RPS6KA2: variants seen among roughly 807,000 people sequenced by gnomAD.
RPS6KA2 encodes the protein ribosomal protein S6 kinase alpha-2.
In RPS6KA2, 42 loss-of-function variants were observed where a neutral mutation model predicts 91.8. The observed-to-expected ratio is 0.46, with a 90% CI of 0.36 to 0.59. The LOEUF is 0.59. RPS6KA2 is among the 20% of genes least tolerant of loss of function. The probability of loss-of-function intolerance (pLI) is 0.00; values close to 1 mark genes in which losing one functional copy is unlikely to be tolerated. For synonymous variants in RPS6KA2, 414 were observed against 393.6 expected (o/e 1.05, Z -0.61); for missense variants, 798 against 978.5 (o/e 0.82, Z 2.46).
intron 14 of RPS6KA2, among the ~76,000 whole-genome samples, chr6:166,446,784 A>T (rs1285975809): frequency 6.6e-6 from 1 of 152,184 alleles, no homozygotes; most frequent in African/African-American, 2.4e-5. Flanking sequence ...ACCAAACCGT[A>T]GGCTTGTTTC....
intron 5 of RPS6KA2, 137 bp from the exon 6 acceptor site, chr6:166,504,749 A>C: frequency 1.7e-6 from 1 of 595,936 alleles, no homozygotes; most frequent in Non-Finnish European, 2.9e-6. Context: ...ATGGCCCCCC[A>C]GAGTGGTCTT....
intron 2 of RPS6KA2, among the ~76,000 whole-genome samples, chr6:166,699,345 G>A (rs1367895963): frequency 6.6e-6 from 1 of 152,120 alleles, no homozygotes; most frequent in African/African-American, 2.4e-5. Context: ...AGAATCTTGA[G>A]AGAAGAGTCA....
rs148374663 is a variant in RPS6KA2, at chr6:166,508,924, G to C, written c.380-642C>G. 6.6e-6 allele frequency among the ~76,000 whole-genome samples: 1 copy of C among 152,188 alleles called. No homozygotes were observed. Among genetic ancestry groups the C allele is most frequent in the Non-Finnish European group, 1.5e-5 (1 of 68,026 alleles). On this transcript the variant is annotated intron_variant, in intron 4 of 20. Transcript: ENST00000265678. The surrounding 1 kb of genome is among the most constrained non-coding windows in gnomAD (Gnocchi z 4.3). ...CAGCAAGGGCCTGCCTCTGTTGAGCGGGCGCATGAGCACGGGAGGGTCTAG... is the reference window on the plus strand; with the variant it reads ...CAGCAAGGGCCTGCCTCTGTTGAGCCGGCGCATGAGCACGGGAGGGTCTAG...
At chr6:166,576,360 G>A (rs187285997) in intron 1 of RPS6KA2, among the ~76,000 whole-genome samples, 1 of 152,318 alleles carries the variant, frequency 6.6e-6, no homozygotes, top group East Asian at 1.9e-4. Flanking sequence ...ACAGTCTGAA[G>A]GGCTCAGAAG....
intron 3 of RPS6KA2, among the ~76,000 whole-genome samples, chr6:166,514,473 G>A (rs1782574421): frequency 1.3e-5 from 2 of 152,204 alleles, no homozygotes; most frequent in South Asian, 2.1e-4. Context: ...AGGTGCTTGG[G>A]CAGGAGGATA....
Position 166,666,950 on chromosome 6 carries a change from T to C in RPS6KA2, c.124-128166A>G, listed in dbSNP as rs146957007. Among the ~76,000 whole-genome samples the C allele has an allele frequency of 1.4e-4, 21 of 152,338 alleles. No homozygotes were observed. The highest frequency in any genetic ancestry group is 2.5e-4 in the Non-Finnish European group (17 of 68,034). ...GGAAATGACGACGCACGTTGCAATG[T>C]GGATGAACCTGGAGGACATTATGTG... On this transcript the variant is annotated intron_variant, in intron 2 of 21. Transcript: ENST00000503859. The surrounding 1 kb of genome is among the most constrained non-coding windows in gnomAD (Gnocchi z 4.0).
intron 3 of RPS6KA2, among the ~76,000 whole-genome samples, chr6:166,512,810 C>CG (rs375784148): frequency 5.1e-4 from 77 of 152,334 alleles, no homozygotes; most frequent in Non-Finnish European, 9.3e-4. Context: ...CAACACGGGG[C>CG]CCGCCCACAC....
chr6:166,634,293 G>T lies in RPS6KA2; in HGVS notation c.124-95509C>A, dbSNP rs1028882792. 8.5e-5 allele frequency among the ~76,000 whole-genome samples: 13 copies of T among 152,298 alleles called. No homozygotes were observed. In the East Asian group the frequency reaches 2.5e-3, roughly 29 times the overall value. ...GATGGAGAGCAAGAGGCCGAGGTGG[G>T]CAGTAACACTGGGAGCAGAACTTGC... On this transcript the variant is annotated intron_variant, in intron 2 of 21. Transcript: ENST00000503859.
At chr6:166,723,514 G>C (rs938795575) in intron 2 of RPS6KA2, among the ~76,000 whole-genome samples, 4 of 151,680 alleles carry the variant, frequency 2.6e-5, no homozygotes, top group Non-Finnish European at 4.4e-5. Context: ...TACCAGGAAG[G>C]CCGTGCCAGT....
rs554216750 is a variant in RPS6KA2, at chr6:166,503,978, C to T, written c.566+528G>A. ...TTGGGAGAGCTGTTCTGACTGGGGA[C>T]CTAGAGGTGGGGCTGACAAGTAACT... On this transcript the variant is annotated intron_variant, in intron 6 of 20. Transcript: ENST00000265678. 2.0e-3 allele frequency among the ~76,000 whole-genome samples: 311 copies of T among 152,196 alleles called. 2 individuals carry two copies. Among genetic ancestry groups the T allele is most frequent in the African/African-American group, 7.3e-3 (303 of 41,528 alleles).
intron 3 of RPS6KA2, among the ~76,000 whole-genome samples, chr6:166,512,332 G>A (rs2128483661): frequency 6.6e-6 from 1 of 152,312 alleles, no homozygotes. Context: ...AGAATGGGAA[G>A]TCATTGTTTC....
intron 2 of RPS6KA2, among the ~76,000 whole-genome samples, chr6:166,751,612 A>G (rs1289616719): frequency 2.0e-5 from 3 of 152,238 alleles, no homozygotes; most frequent in Non-Finnish European, 2.9e-5. Flanking sequence ...CCGTGGAAAG[A>G]GGGGTCTAAG....
At chr6:166,571,056 C>T (rs1254564938) in intron 1 of RPS6KA2, among the ~76,000 whole-genome samples, 1 of 152,186 alleles carries the variant, frequency 6.6e-6, no homozygotes, top group Non-Finnish European at 1.5e-5. Flanking sequence ...AGATGCTAAA[C>T]CATGCTGTGA....
At chr6:166,615,696 C>T (rs188864010) in intron 1 of RPS6KA2, among the ~76,000 whole-genome samples, 13 of 152,268 alleles carry the variant, frequency 8.5e-5, no homozygotes, top group Admixed American at 5.9e-4. Flanking sequence ...AATGAGATAC[C>T]GATGGTCTCC....
chr6:166,758,302 G>A (rs530130035), intron 2 of RPS6KA2, among the ~76,000 whole-genome samples: 35 of 152,334 alleles, frequency 2.3e-4, no homozygotes, highest in African/African-American at 7.7e-4. Flanking sequence ...ACACAGGCAC[G>A]TGCACATGCA....
chr6:166,616,149 G>GT (rs1038712178), intron 1 of RPS6KA2, among the ~76,000 whole-genome samples: 1 of 152,168 alleles, frequency 6.6e-6, no homozygotes, highest in African/African-American at 2.4e-5. Context: ...CCACCTGAGA[G>GT]CCCCCCAGCA....
In RPS6KA2 at chr6:166,508,124, A is replaced by T. The variant is rs1033162732; in HGVS notation, c.459+79T>A. The T allele has an allele frequency of 1.0e-5, 9 of 902,934 alleles. No homozygotes were observed. Among genetic ancestry groups the T allele is most frequent in the African/African-American group, 1.6e-5 (1 of 60,878 alleles). 55.9% of individuals were successfully genotyped at this position (902,934 alleles called of 1,614,324 possible). On this transcript the variant is annotated intron_variant, in intron 5 of 20. Coordinates refer to ENST00000265678, the MANE Select transcript of RPS6KA2 (RefSeq NM_021135.6). The surrounding 1 kb of genome is among the most constrained non-coding windows in gnomAD (Gnocchi z 4.3). ...TCTCGCACGTGCTCACGTCCTCTCAATGCTCTCCACCCCTCCTCCCCTCGA... is the reference window on the plus strand; with the variant it reads ...TCTCGCACGTGCTCACGTCCTCTCATTGCTCTCCACCCCTCCTCCCCTCGA...
At chr6:166,811,973 T>C (rs183340167) in intron 2 of RPS6KA2, among the ~76,000 whole-genome samples, 1 of 152,232 alleles carries the variant, frequency 6.6e-6, no homozygotes, top group Admixed American at 6.5e-5. Flanking sequence ...TGAACAATAG[T>C]TGCTGAGTGC....
intron 2 of RPS6KA2, among the ~76,000 whole-genome samples, chr6:166,835,067 T>G (rs183709506): frequency 6.6e-6 from 1 of 152,210 alleles, no homozygotes; most frequent in Non-Finnish European, 1.5e-5. Context: ...AAAAAGATAA[T>G]CTTTCCCCTC....
Sources: allele counts gnomAD v4.1 joint callset (sites outside exome capture counted in the v4.1 genomes callset), GRCh38; gene constraint gnomAD v4.1.1; non-coding constraint Gnocchi (gnomAD v3.1); transcripts MANE v1.5; gene names NCBI Gene and HGNC (gene_info 2026-07-23, HGNC 2026-07-21).